The following RXRA variants were observed in gnomAD, a reference collection of about 807,000 sequenced individuals.
RXRA encodes the protein retinoic acid receptor RXR-alpha.
Under a neutral mutation model 44.5 loss-of-function variants are expected in RXRA, and 5 were observed. That is an observed-to-expected ratio of 0.11 (90% CI 0.06 to 0.24). RXRA has a LOEUF of 0.24. Among genes scored for constraint, RXRA ranks in the 10% least tolerant of loss-of-function variants. The pLI is 1.00. For missense variants in RXRA, 412 were observed against 646.5 expected (o/e 0.64, Z 3.93); for synonymous variants, 291 against 271.4 (o/e 1.07, Z -0.71).
chr9:134,423,745 C>T (rs1279225976), intron 6 of RXRA: 2 of 985,348 alleles, frequency 2.0e-6, no homozygotes, highest in Non-Finnish European at 2.4e-6. Flanking sequence ...GGGAACCCTG[C>T]CCTTGTTTGC....
At chr9:134,394,399 T>C (rs1489896629) in intron 1 of RXRA, among the ~76,000 whole-genome samples, 1 of 152,098 alleles carries the variant, frequency 6.6e-6, no homozygotes. Flanking sequence ...ATGGAGCCTG[T>C]CTCCATGAAG....
At chr9:134,408,054 G>C in intron 2 of RXRA, 95 bp from the exon 3 acceptor site, 1 of 937,302 alleles carries the variant, frequency 1.1e-6, no homozygotes. Context: ...TGTGAAGTTG[G>C]GGGTACAGCT....
intron 6 of RXRA, chr9:134,422,438 C>G: frequency 7.9e-7 from 1 of 1,271,932 alleles, no homozygotes; most frequent in African/African-American, 1.5e-5. Flanking sequence ...GCTCCCCTCT[C>G]CCTAGACACT....
Position 134,429,195 on chromosome 9 carries a change from A to T in RXRA, c.998A>T (p.His333Leu). ...GILLATGLHVHRNSAHSAGVG... is the reference protein window; with the variant it reads ...GILLATGLHVLRNSAHSAGVG... ...CTCCTGGCCACCGGGCTGCACGTCC[A>T]CCGGAACAGCGCCCACAGCGCAGGG... Residue 333 changes from histidine to leucine, a missense_variant, in exon 7 of 10, where the codon CAC becomes CTC. Physicochemically the swap from His to Leu is moderately conservative, Grantham distance 99 (BLOSUM62 -3). Coordinates refer to ENST00000481739, the MANE Select transcript of RXRA (RefSeq NM_002957.6). 6.2e-7 allele frequency: 1 copy of T among 1,612,926 alleles called. No homozygotes were observed. The highest frequency in any genetic ancestry group is 8.5e-7 in the Non-Finnish European group (1 of 1,179,930).
chr9:134,420,920 G>T (rs901681189), intron 5 of RXRA, among the ~76,000 whole-genome samples: 1 of 152,192 alleles, frequency 6.6e-6, no homozygotes, highest in Non-Finnish European at 1.5e-5. Flanking sequence ...CTCTCTCTGT[G>T]CCTGGGGCCT....
At chr9:134,384,632 G>A (rs892052080) in intron 1 of RXRA, among the ~76,000 whole-genome samples, 4 of 152,192 alleles carry the variant, frequency 2.6e-5, no homozygotes, top group African/African-American at 9.7e-5. Context: ...GTGCTGGGGG[G>A]CAGGGGCCAG....
chr9:134,339,213 C>A (rs371261929), intron 1 of RXRA, among the ~76,000 whole-genome samples: 6 of 152,356 alleles, frequency 3.9e-5, no homozygotes, highest in African/African-American at 1.4e-4. Context: ...GGCAGAAAGG[C>A]CAGGACTGAG....
intron 1 of RXRA, among the ~76,000 whole-genome samples, chr9:134,395,225 CGTT>C (rs1213743466): frequency 3.9e-5 from 6 of 152,246 alleles, no homozygotes; most frequent in African/African-American, 9.6e-5. Flanking sequence ...AGGACTGTGG[CGTT>C]GTGTCTGGTG....
chr9:134,385,313 A>G (rs762443375), intron 1 of RXRA, among the ~76,000 whole-genome samples: 5 of 152,216 alleles, frequency 3.3e-5, no homozygotes, highest in Non-Finnish European at 7.3e-5. Context: ...CTTGGAAGAA[A>G]GCCCTCGTTG....
In RXRA at chr9:134,349,583, CAG is replaced by C. The variant is rs574084190; in HGVS notation, c.28+22925_28+22926del. On this transcript the variant is annotated intron_variant, in intron 1 of 9. Coordinates refer to ENST00000481739, the MANE Select transcript of RXRA (RefSeq NM_002957.6). The surrounding 1 kb of genome is among the most constrained non-coding windows in gnomAD (Gnocchi z 4.3). ...AGCAACTTGGCGAGCATGGGCCAGACAGGGGCAGGGTTCTCAGGTGGCCCCCA... is the reference window on the plus strand; with the variant it reads ...AGCAACTTGGCGAGCATGGGCCAGACGGGCAGGGTTCTCAGGTGGCCCCCA... Among the ~76,000 whole-genome samples, 62 of 152,296 alleles carry C rather than the reference CAG, an allele frequency of 4.1e-4. No homozygotes were observed. The highest frequency in any genetic ancestry group is 1.2e-3 in the African/African-American group (50 of 41,554).
chr9:134,400,772 G>A (rs562016334), intron 1 of RXRA, among the ~76,000 whole-genome samples: 28 of 152,132 alleles, frequency 1.8e-4, no homozygotes, highest in Non-Finnish European at 3.8e-4. Context: ...CCTCTCCTGC[G>A]GCCCTATGGG....
chr9:134,331,272 A>C (rs1174375178), intron 1 of RXRA, among the ~76,000 whole-genome samples: 1 of 152,236 alleles, frequency 6.6e-6, no homozygotes, highest in Non-Finnish European at 1.5e-5. Flanking sequence ...AGCGCCTCAC[A>C]GACAGGGAAA....
At chr9:134,360,417 T>C (rs1261629897) in intron 1 of RXRA, among the ~76,000 whole-genome samples, 1 of 152,178 alleles carries the variant, frequency 6.6e-6, no homozygotes, top group African/African-American at 2.4e-5. Flanking sequence ...GGGTTCGAGC[T>C]CTGGCTCTGT....
chr9:134,382,481 G>A (rs1256746061), intron 1 of RXRA, among the ~76,000 whole-genome samples: 8 of 152,180 alleles, frequency 5.3e-5, no homozygotes, highest in Non-Finnish European at 8.8e-5. Flanking sequence ...CCGGTCCTGC[G>A]AGAAAGCCCC....
chr9:134,425,787 C>T (rs1239196775), intron 6 of RXRA: 1 of 985,294 alleles, frequency 1.0e-6, no homozygotes, highest in Non-Finnish European at 1.2e-6. Context: ...CCATCACAAG[C>T]CCCATGGGGA....
intron 6 of RXRA, among the ~76,000 whole-genome samples, chr9:134,428,737 G>C (rs1405288941): frequency 6.6e-6 from 1 of 152,212 alleles, no homozygotes; most frequent in East Asian, 1.9e-4. Context: ...CTGGGACCCT[G>C]CTGGCAGCAG....
intron 1 of RXRA, among the ~76,000 whole-genome samples, chr9:134,350,091 G>A (rs1036806028): frequency 2.2e-4 from 34 of 152,008 alleles, no homozygotes; most frequent in African/African-American, 8.0e-4. Context: ...GGGGTGGAAG[G>A]TGGGGGTACA....
intron 1 of RXRA, among the ~76,000 whole-genome samples, chr9:134,337,898 G>A (rs1455700866): frequency 6.6e-6 from 1 of 152,092 alleles, no homozygotes; most frequent in Non-Finnish European, 1.5e-5. Flanking sequence ...GGCGGGTTTC[G>A]TTCAGTTCAG....
At chr9:134,326,682 G>A in intron 1 of RXRA, 23 bp downstream of exon 1, 9 of 880,888 alleles carry the variant, frequency 1.0e-5, no homozygotes, top group Non-Finnish European at 9.5e-6. Flanking sequence ...CGGGCCGGGC[G>A]GGGACGGGGC....
Sources: allele counts gnomAD v4.1 joint callset (sites outside exome capture counted in the v4.1 genomes callset), GRCh38; gene constraint gnomAD v4.1.1; non-coding constraint Gnocchi (gnomAD v3.1); transcripts MANE v1.5; gene names NCBI Gene and HGNC (gene_info 2026-07-23, HGNC 2026-07-21).